The following KCNMB2 variants were observed in gnomAD, a reference collection of about 807,000 sequenced individuals.
KCNMB2 encodes the protein potassium calcium-activated channel subfamily M regulatory beta subunit 2.
Under a neutral mutation model 24.5 loss-of-function variants are expected in KCNMB2, and 9 were observed. That is an observed-to-expected ratio of 0.37 (90% CI 0.22 to 0.64). The LOEUF is 0.64. KCNMB2 is among the 30% of genes least tolerant of loss of function. KCNMB2 has a pLI of 0.63. For synonymous variants in KCNMB2, 109 were observed against 104.4 expected (o/e 1.04, Z -0.27); for missense variants, 226 against 284.3 (o/e 0.79, Z 1.47).
intron 1 of KCNMB2, among the ~76,000 whole-genome samples, chr3:178,789,476 T>C (rs530510023): frequency 4.1e-4 from 63 of 152,296 alleles, no homozygotes; most frequent in African/African-American, 1.4e-3. Flanking sequence ...TACCCGGTTT[T>C]AAAATCATAA....
At chr3:178,618,114 G>A (rs1322723222) in intron 1 of KCNMB2, among the ~76,000 whole-genome samples, 1 of 151,746 alleles carries the variant, frequency 6.6e-6, no homozygotes, top group African/African-American at 2.4e-5. Flanking sequence ...CAAAAATGAG[G>A]GGAAAAGAAC....
At chr3:178,625,091 G>A (rs1197769140) in intron 1 of KCNMB2, among the ~76,000 whole-genome samples, 1 of 152,026 alleles carries the variant, frequency 6.6e-6, no homozygotes. Flanking sequence ...CTGGTGAGGG[G>A]TTTCCTCCCT....
chr3:178,564,397 T>G (rs959144014), intron 1 of KCNMB2, among the ~76,000 whole-genome samples: 19 of 152,208 alleles, frequency 1.2e-4, no homozygotes, highest in African/African-American at 4.1e-4. Context: ...AATTCAGTGC[T>G]TATGTAGGTC....
Position 178,843,063 on chromosome 3 carries a change from G to C in KCNMB2, c.*126G>C. The C allele has an allele frequency of 1.3e-6, 1 of 749,510 alleles. No homozygotes were observed. The highest frequency in any genetic ancestry group is 2.2e-6 in the Non-Finnish European group (1 of 451,164). 46.4% of individuals were successfully genotyped at this position (749,510 alleles called of 1,614,324 possible). ...GTTCCCTAATATATTCTTATATGTAGAGCAATAATGCAAAAGCTGTTCTAT... is the reference window on the plus strand; with the variant it reads ...GTTCCCTAATATATTCTTATATGTACAGCAATAATGCAAAAGCTGTTCTAT... On this transcript the variant is annotated 3_prime_UTR_variant, in exon 5 of 5. Coordinates refer to ENST00000452583, the MANE Select transcript of KCNMB2 (RefSeq NM_181361.3).
chr3:178,806,377 G>A (rs189281264), intron 1 of KCNMB2, among the ~76,000 whole-genome samples: 19 of 152,206 alleles, frequency 1.2e-4, no homozygotes, highest in Middle Eastern at 3.4e-3. Flanking sequence ...TACATTCAAA[G>A]TGTGTGGCAT....
intron 1 of KCNMB2, among the ~76,000 whole-genome samples, chr3:178,659,028 G>A (rs1052719722): frequency 7.9e-5 from 12 of 152,310 alleles, no homozygotes; most frequent in African/African-American, 2.6e-4. Context: ...TAAAGTGAAC[G>A]GGCTCTCAGA....
chr3:178,810,744 A>AT (rs1451471089), intron 2 of KCNMB2, among the ~76,000 whole-genome samples: 2 of 150,888 alleles, frequency 1.3e-5, no homozygotes. Context: ...ATTCCTTTTC[A>AT]TTTTTTTTGA....
chr3:178,734,070 C>A (rs1723240922), intron 1 of KCNMB2, among the ~76,000 whole-genome samples: 1 of 151,018 alleles, frequency 6.6e-6, no homozygotes, highest in Non-Finnish European at 1.5e-5. Flanking sequence ...GTTGAGTAGC[C>A]CTGTGTTTCA....
At chr3:178,592,120 A>G (rs899192371) in intron 1 of KCNMB2, among the ~76,000 whole-genome samples, 3 of 152,030 alleles carry the variant, frequency 2.0e-5, no homozygotes, top group African/African-American at 7.2e-5. Flanking sequence ...ATTGCTTTCC[A>G]TAGGATTTTC....
chr3:178,608,821 A>G (rs1401783991), intron 1 of KCNMB2, among the ~76,000 whole-genome samples: 1 of 152,054 alleles, frequency 6.6e-6, no homozygotes. Flanking sequence ...ACTGTATCGC[A>G]TCCTTTTTTA....
chr3:178,698,782 G>A lies in KCNMB2; in HGVS notation c.-67-108561G>A, dbSNP rs1415264175. Among the ~76,000 whole-genome samples, 3 of 152,176 alleles carry A rather than the reference G, an allele frequency of 2.0e-5. 1 individual carries two copies. The highest frequency in any genetic ancestry group is 7.2e-5 in the African/African-American group (3 of 41,522). On this transcript the variant is annotated intron_variant, in intron 1 of 4. Transcript: ENST00000452583. Reference sequence around the variant, plus strand: ...TCAATCTTTGAGGTTGCTGATTTTTGGATTTTTTTCTTTTATTCTATTGGA... The same window carrying A: ...TCAATCTTTGAGGTTGCTGATTTTTAGATTTTTTTCTTTTATTCTATTGGA...
At chr3:178,836,875 T>C (rs1425722554) in intron 4 of KCNMB2, among the ~76,000 whole-genome samples, 2 of 152,154 alleles carry the variant, frequency 1.3e-5, no homozygotes, top group Non-Finnish European at 2.9e-5. Context: ...ACTAAGTGTA[T>C]ATCTCACTTA....
chr3:178,843,884 T>G lies in KCNMB2; in HGVS notation c.*947T>G, dbSNP rs1295371910. 6.6e-6 allele frequency: 1 copy of G among 152,216 alleles called. No homozygotes were observed. 9.4% of individuals were successfully genotyped at this position (152,216 alleles called of 1,614,324 possible). On this transcript the variant is annotated 3_prime_UTR_variant, in exon 5 of 5. Transcript: ENST00000452583. ...AATATTGCTCTTTGTGAATTTGTGC[T>G]TAAGTCAATGAATGTGTAGTATCTC...
intron 1 of KCNMB2, among the ~76,000 whole-genome samples, chr3:178,731,092 T>A (rs1723135660): frequency 6.6e-6 from 1 of 151,804 alleles, no homozygotes; most frequent in African/African-American, 2.4e-5. Flanking sequence ...AAGATGGCTT[T>A]TAACAAAGGG....
intron 1 of KCNMB2, among the ~76,000 whole-genome samples, chr3:178,545,604 T>C (rs1240886582): frequency 6.6e-6 from 1 of 152,234 alleles, no homozygotes; most frequent in African/African-American, 2.4e-5. Context: ...TTGGTAAATC[T>C]TGCTCGTGAG....
chr3:178,647,611 G>A (rs1304244381), intron 1 of KCNMB2, among the ~76,000 whole-genome samples: 1 of 152,188 alleles, frequency 6.6e-6, no homozygotes, highest in Non-Finnish European at 1.5e-5. Context: ...TTGATTAAAT[G>A]AGAATACATG....
At chr3:178,752,712 A>C (rs1723892576) in intron 1 of KCNMB2, among the ~76,000 whole-genome samples, 1 of 152,234 alleles carries the variant, frequency 6.6e-6, no homozygotes, top group Non-Finnish European at 1.5e-5. Flanking sequence ...TCAGAGTAGA[A>C]GAGAGGGAAT....
chr3:178,830,951 G>A (rs980223971), intron 4 of KCNMB2, among the ~76,000 whole-genome samples: 1 of 152,030 alleles, frequency 6.6e-6, no homozygotes, highest in Non-Finnish European at 1.5e-5. Context: ...TTTTCTTTCT[G>A]TTCAGTGCTT....
chr3:178,721,945 C>G (rs1418873677), intron 1 of KCNMB2, among the ~76,000 whole-genome samples: 2 of 152,168 alleles, frequency 1.3e-5, no homozygotes, highest in Non-Finnish European at 2.9e-5. Context: ...TTTTTTTACA[C>G]ATCCTTCTTA....
Sources: allele counts gnomAD v4.1 joint callset (sites outside exome capture counted in the v4.1 genomes callset), GRCh38; gene constraint gnomAD v4.1.1; transcripts MANE v1.5; gene names NCBI Gene and HGNC (gene_info 2026-07-23, HGNC 2026-07-21).